USP11: variants seen among roughly 807,000 people sequenced by gnomAD.
USP11 encodes ubiquitin carboxyl-terminal hydrolase 11.
A neutral mutation model predicts 72.8 loss-of-function variants in USP11; 5 were observed. The observed-to-expected ratio is 0.07, with a 90% CI of 0.04 to 0.14. USP11 has a LOEUF of 0.14. USP11 is among the 10% of genes least tolerant of loss of function. USP11 has a pLI of 1.00. For missense variants in USP11, 480 were observed against 794.7 expected, an observed-to-expected ratio of 0.60 and a Z score of 4.76; for synonymous variants, 368 against 326.5, an observed-to-expected ratio of 1.13 and a Z score of -1.37.
intron 12 of USP11, 114 bp downstream of exon 12, chrX:47,242,834 C>T: frequency 6.8e-6 from 4 of 586,128 alleles, no homozygotes; most frequent in Non-Finnish European, 1.1e-5. Flanking sequence ...GTTCACTGGG[C>T]ACCTGCCCTG....
At chrX:47,240,957 T>G (rs2055399390) in intron 7 of USP11, 81 bp downstream of exon 7, 1 of 986,285 alleles carries the variant, frequency 1.0e-6, no homozygotes. Context: ...GCTGGGGTCC[T>G]GAGGGGACTA....
intron 9 of USP11, 28 bp downstream of exon 9, chrX:47,241,727 A>AT: frequency 8.6e-7 from 1 of 1,163,037 alleles, no homozygotes; most frequent in Non-Finnish European, 1.1e-6. Flanking sequence ...TTGCAGTCCA[A>AT]TTAACATCAC....
intron 1 of USP11, among the ~76,000 whole-genome samples, chrX:47,235,010 C>T (rs2055365258): frequency 8.9e-6 from 1 of 112,212 alleles, no homozygotes; most frequent in Non-Finnish European, 1.9e-5. Flanking sequence ...TTTTCTCAAT[C>T]TATTTCAAAG....
rs2055444696 is a variant in USP11 at position 47,247,898 on chromosome X, C to T, written c.2731C>T (p.Pro911Ser). ...CCCAGCCTCCCCTGCCTGCAGCTCC[C>T]CACCCAGCTCTGAGTTCATGGATGT... Reference protein sequence around the residue: ...GAPASPACSSPPSSEFMDVN With the variant: ...GAPASPACSSSPSSEFMDVN The change falls in exon 21 of 21, where the codon CCA (proline) becomes TCA (serine). Residue 911 changes from proline (P) to serine (S), a missense_variant. Physicochemically the swap from Pro to Ser is moderately conservative, Grantham distance 74. This residue lies in a region of USP11 where 314 missense variants were observed against 556.0 expected (regional missense o/e 0.56). Transcript: ENST00000377107. 1 of 1,201,373 alleles carries T rather than the reference C, an allele frequency of 8.3e-7. No individual in the cohort carries two copies. The highest frequency in any genetic ancestry group is 1.1e-6 in the Non-Finnish European group (1 of 892,486).
At position 47,239,057 on chromosome X, in the gene USP11, G is replaced by A; in HGVS notation, c.177-13G>A. 3.3e-6 allele frequency: 4 copies of A among 1,198,516 alleles called. No individual in the cohort carries two copies. Among genetic ancestry groups the A allele is most frequent in the Non-Finnish European group, 4.5e-6 (4 of 886,309 alleles). On this transcript the variant is annotated splice_polypyrimidine_tract_variant and intron_variant, in intron 1 of 20. Transcript: ENST00000377107. Reference sequence around the variant, plus strand: ...TACCCATGTAACACCCTTGTTACCTGTCTGGGCCCCAGGTTCCTTGTGGAG... The same window carrying A: ...TACCCATGTAACACCCTTGTTACCTATCTGGGCCCCAGGTTCCTTGTGGAG...
Position 47,245,016 on chromosome X carries a change from C to A in USP11, c.2087C>A (p.Ala696Asp). ...DRTTSPEEVHAQPYIAIDWEP... is the reference protein window; with the variant it reads ...DRTTSPEEVHDQPYIAIDWEP... ...ATGACCACCTCTCCCTCACCCCCAGCCCAGCCGTACATTGCTATCGACTGG... is the reference window on the plus strand; with the variant it reads ...ATGACCACCTCTCCCTCACCCCCAGACCAGCCGTACATTGCTATCGACTGG... The change falls in exon 16 of 21, where the codon GCC (alanine) becomes GAC (aspartate). Residue 696 changes from alanine (A) to aspartate (D), a missense_variant and splice_region_variant. Ala to Asp is a moderately radical substitution (Grantham distance 126). Transcript: ENST00000377107. 2 of 1,211,794 alleles carry A rather than the reference C, an allele frequency of 1.7e-6. No individual in the cohort carries two copies. The highest frequency in any genetic ancestry group is 2.2e-6 in the Non-Finnish European group (2 of 895,434).
chrX:47,242,412 C>T, intron 10 of USP11, 27 bp from the exon 11 acceptor site: 3 of 1,211,176 alleles, frequency 2.5e-6, no homozygotes, highest in Non-Finnish European at 2.2e-6. Flanking sequence ...CCCTTTTGGT[C>T]TTTTGTGGAT....
In USP11 at chrX:47,248,302, A is replaced by T. The variant is rs1375377781; in HGVS notation, c.*372A>T. Reference sequence around the variant, plus strand: ...CCTGTACCTTCTGCTGTGTGTGTGTATATATAAAGCACCAGTCTGCTCCCC... The same window carrying T: ...CCTGTACCTTCTGCTGTGTGTGTGTTTATATAAAGCACCAGTCTGCTCCCC... On this transcript the variant is annotated 3_prime_UTR_variant, in exon 21 of 21. Coordinates refer to ENST00000377107, the MANE Select transcript of USP11 (RefSeq NM_001371072.1). 5.7e-6 allele frequency: 1 copy of T among 175,557 alleles called. No individual in the cohort carries two copies. 14.5% of individuals were successfully genotyped at this position (175,557 alleles called of 1,213,427 possible). A position where few individuals can be genotyped will look rare whatever the true frequency, so the allele number is the denominator to read the frequency against.
Position 47,240,445 on chromosome X carries a change from G to A in USP11, c.676G>A (p.Gly226Arg). 8.3e-7 allele frequency: 1 copy of A among 1,211,738 alleles called. No individual in the cohort carries two copies. Among genetic ancestry groups the A allele is most frequent in the Middle Eastern group, 2.3e-4 (1 of 4,355 alleles). Residue 226 changes from glycine (G) to arginine (R), a missense_variant, in exon 5 of 21, where the codon GGG (glycine) becomes AGG (arginine). Gly to Arg is a moderately radical substitution (Grantham distance 125). This residue lies in a region of USP11 where 80 missense variants were observed against 100.9 expected (regional missense o/e 0.79). Transcript: ENST00000377107. ...ITVLDAALET[G>R]QLIIMETRKK... ...GGTTCTCGATGCGGCCCTTGAGACT[G>A]GGCAGGTAAGGGTGGGGAGGGCTTT... is the stretch of plus-strand genomic sequence containing the variant.
At chrX:47,244,311 G>C (rs2055420222) in intron 13 of USP11, among the ~76,000 whole-genome samples, 187 bp from the exon 14 acceptor site, 1 of 110,277 alleles carries the variant, frequency 9.1e-6, no homozygotes, top group African/African-American at 3.3e-5. Flanking sequence ...TTCATTCTCA[G>C]GCCACTGCTG....
At chrX:47,245,806 A>G (rs766052577) in intron 17 of USP11, among the ~76,000 whole-genome samples, 2 of 111,303 alleles carry the variant, frequency 1.8e-5, no homozygotes, top group Admixed American at 9.5e-5. Context: ...GGCCTTCCAA[A>G]GTGCTGGGAT....
intron 9 of USP11, 52 bp from the exon 10 acceptor site, chrX:47,242,030 G>A (rs2055405876): frequency 2.6e-6 from 3 of 1,165,217 alleles, no homozygotes; most frequent in Non-Finnish European, 2.3e-6. Flanking sequence ...CCAAGCCATG[G>A]TTTCCTCTTA....
rs772734666 is a variant in USP11 at position 47,233,033 on chromosome X, A to T, written c.-11A>T. The T allele has an allele frequency of 7.4e-6, 9 of 1,211,350 alleles. No individual in the cohort carries two copies. In the South Asian group the frequency reaches 1.6e-4, roughly 21 times the overall value. On this transcript the variant is annotated 5_prime_UTR_variant, in exon 1 of 21. Transcript: ENST00000377107. ...CACAGCTGCGTTGGCTGTAGAAGAGAACGGACGGCGATGGCGACGGTCGCA... is the reference window on the plus strand; with the variant it reads ...CACAGCTGCGTTGGCTGTAGAAGAGTACGGACGGCGATGGCGACGGTCGCA...
intron 1 of USP11, among the ~76,000 whole-genome samples, chrX:47,238,487 C>CTTTTTTTTTTT (rs57112058): frequency 2.3e-5 from 1 of 44,313 alleles, no homozygotes; most frequent in Non-Finnish European, 3.6e-5. Context: ...TGTGCCCGGT[C>CTTTTTTTTTTT]TTTTTTTTTT....
chrX:47,247,717 C>T lies in USP11; in HGVS notation c.2625+18C>T, dbSNP rs772124294. 3.3e-6 allele frequency: 4 copies of T among 1,209,390 alleles called. No individual in the cohort carries two copies. Among genetic ancestry groups the T allele is most frequent in the Middle Eastern group, 2.3e-4 (1 of 4,352 alleles). ...AGATCGAGGTGTGACTTCCATCCTACCTCCTCCCCTTCTTCCTTTCTGATT... is the reference window on the plus strand; with the variant it reads ...AGATCGAGGTGTGACTTCCATCCTATCTCCTCCCCTTCTTCCTTTCTGATT... On this transcript the variant is annotated intron_variant, in intron 20 of 20. Coordinates refer to ENST00000377107, the MANE Select transcript of USP11 (RefSeq NM_001371072.1).
At chrX:47,244,416 T>C (rs193160966) in intron 13 of USP11, 82 bp from the exon 14 acceptor site, 1 of 1,084,804 alleles carries the variant, frequency 9.2e-7, no homozygotes, top group African/African-American at 1.9e-5. Flanking sequence ...ACCAATGGCT[T>C]CCCATTATCT....
Position 47,240,419 on chromosome X carries a change from C to T in USP11, c.650C>T (p.Thr217Met), listed in dbSNP as rs769843018. Residue 217 changes from threonine to methionine, a missense_variant, in exon 5 of 21, where the codon ACG becomes ATG. Physicochemically the swap from Thr to Met is moderately conservative, Grantham distance 81. This residue lies in a region of USP11 where 80 missense variants were observed against 100.9 expected (regional missense o/e 0.79). Coordinates refer to ENST00000377107, the MANE Select transcript of USP11 (RefSeq NM_001371072.1). ...SLDRLYDTHI[T>M]VLDAALETGQ... Reference sequence around the variant, plus strand: ...GATAGGTTGTATGACACACACATCACGGTTCTCGATGCGGCCCTTGAGACT... The same window carrying T: ...GATAGGTTGTATGACACACACATCATGGTTCTCGATGCGGCCCTTGAGACT... The T allele has an allele frequency of 4.1e-6, 5 of 1,211,685 alleles. No homozygotes were observed. The highest frequency in any genetic ancestry group is 4.3e-5 in the Admixed American group (2 of 46,027).
intron 1 of USP11, among the ~76,000 whole-genome samples, chrX:47,237,813 T>TGC (rs2055381147): frequency 9.4e-6 from 1 of 106,600 alleles, no homozygotes; most frequent in South Asian, 4.0e-4. Context: ...TGTGTGTGTG[T>TGC]GTGTGTGTGT....
intron 17 of USP11, among the ~76,000 whole-genome samples, chrX:47,246,586 A>G (rs770180748): frequency 3.6e-5 from 4 of 111,438 alleles, no homozygotes; most frequent in Non-Finnish European, 7.5e-5. Context: ...GATAGTAAGC[A>G]CTTGACGAGT....
Sources: gnomAD v4.1 joint callset for allele counts (sites outside exome capture counted in the v4.1 genomes callset) on GRCh38, gnomAD v4.1.1 for gene constraint, gnomAD v4.1.1 regional missense constraint, MANE v1.5 for transcripts, NCBI Gene and HGNC (gene_info 2026-07-23, HGNC 2026-07-21) for gene names.